Variants in KIZ observed in about 807,000 individuals in gnomAD.
KIZ encodes kizuna centrosomal protein.
A neutral mutation model predicts 79.6 loss-of-function variants in KIZ; 68 were observed. The ratio of observed to expected loss-of-function variants is 0.85; its 90% CI spans 0.70 to 1.05. KIZ has a LOEUF of 1.05. Among genes scored for constraint, KIZ ranks in the 50% least tolerant of loss-of-function variants. The probability of loss-of-function intolerance (pLI) is 0.00; values close to 1 mark genes in which losing one functional copy is unlikely to be tolerated. For missense variants in KIZ, 797 were observed against 800.4 expected (o/e 1.00, Z 0.05); for synonymous variants, 280 against 281.8 (o/e 0.99, Z 0.06).
chr20:21,176,787 A>T (rs2034455595), intron 6 of KIZ, among the ~76,000 whole-genome samples: 1 of 152,238 alleles, frequency 6.6e-6, no homozygotes, highest in South Asian at 2.1e-4. Context: ...AGAATAAAAA[A>T]GTAATGCTAG....
intron 6 of KIZ, among the ~76,000 whole-genome samples, chr20:21,170,890 C>T (rs2034176307): frequency 6.6e-6 from 1 of 152,154 alleles, no homozygotes; most frequent in South Asian, 2.1e-4. Context: ...CTTTCTGTGC[C>T]TGGCTTAAAT....
intron 9 of KIZ, among the ~76,000 whole-genome samples, chr20:21,228,373 G>A (rs1205003481): frequency 6.6e-6 from 1 of 152,148 alleles, no homozygotes; most frequent in Admixed American, 6.5e-5. Context: ...ACTTATAGCA[G>A]ATGCCATTAG....
At chr20:21,175,972 T>A (rs1001956920) in intron 6 of KIZ, among the ~76,000 whole-genome samples, 3 of 151,978 alleles carry the variant, frequency 2.0e-5, no homozygotes, top group African/African-American at 7.3e-5. Context: ...GCTGAGATGG[T>A]GCCACTGCAC....
intron 3 of KIZ, among the ~76,000 whole-genome samples, chr20:21,137,536 A>C (rs1173108575): frequency 2.7e-5 from 4 of 150,010 alleles, no homozygotes; most frequent in African/African-American, 9.9e-5. Context: ...TTTCAAATAC[A>C]CAGAAGAGTT....
At chr20:21,195,898 C>T (rs993780859) in intron 6 of KIZ, 4 of 152,738 alleles carry the variant, frequency 2.6e-5, no homozygotes, top group Non-Finnish European at 5.9e-5. Flanking sequence ...CCGTTACCTT[C>T]CCTGTAGTCA....
chr20:21,215,625 T>C lies in KIZ; in HGVS notation c.1655T>C (p.Val552Ala). The C allele has an allele frequency of 6.2e-7, 1 of 1,606,374 alleles. No homozygotes were observed. The highest frequency in any genetic ancestry group is 1.1e-5 in the South Asian group (1 of 90,034). The change falls in exon 9 of 13, where the codon GTG (valine) becomes GCG (alanine). Residue 552 changes from valine (V) to alanine (A), a missense_variant. By Grantham distance (64) the Val-to-Ala change is moderately conservative. Coordinates refer to ENST00000619189, the MANE Select transcript of KIZ (RefSeq NM_018474.6). ...GCGDKSKKEN[V>A]AADIPITETE... The stretch of plus-strand genomic sequence containing the variant: ...GGAGACAAGAGCAAGAAAGAAAATG[T>C]GGCTGCAGATATCCCAATCACAGGT...
chr20:21,155,129 A>G (rs2033313038), intron 4 of KIZ, among the ~76,000 whole-genome samples: 1 of 152,222 alleles, frequency 6.6e-6, no homozygotes, highest in Non-Finnish European at 1.5e-5. Flanking sequence ...TTAAACATAT[A>G]GTTACCGTAC....
intron 11 of KIZ, among the ~76,000 whole-genome samples, chr20:21,244,010 C>A (rs1049750234): frequency 2.0e-5 from 3 of 152,178 alleles, no homozygotes; most frequent in African/African-American, 7.2e-5. Flanking sequence ...GTGGGCCATG[C>A]AGACCTGCCG....
chr20:21,131,563 C>T (rs1443894459), intron 1 of KIZ, among the ~76,000 whole-genome samples: 1 of 152,120 alleles, frequency 6.6e-6, no homozygotes, highest in Non-Finnish European at 1.5e-5. Flanking sequence ...CTGATGGGAC[C>T]CCATCACCGA....
chr20:21,227,574 C>T (rs1222137824), intron 9 of KIZ, among the ~76,000 whole-genome samples: 2 of 152,206 alleles, frequency 1.3e-5, no homozygotes, highest in Middle Eastern at 3.4e-3. Context: ...ACACTGACTC[C>T]TTACCTTTAG....
chr20:21,224,317 C>T (rs899076632), intron 9 of KIZ, among the ~76,000 whole-genome samples: 1 of 152,212 alleles, frequency 6.6e-6, no homozygotes, highest in Admixed American at 6.5e-5. Context: ...CAAATGATTT[C>T]TGGATTCTCA....
intron 6 of KIZ, among the ~76,000 whole-genome samples, chr20:21,178,521 C>T (rs1373437319): frequency 1.3e-5 from 2 of 151,322 alleles, no homozygotes; most frequent in Non-Finnish European, 1.5e-5. Flanking sequence ...ATCATGTCAT[C>T]TGCAACAGGG....
In KIZ at chr20:21,162,481, A is replaced by G. The variant is rs1302494099; in HGVS notation, c.1016A>G (p.Lys339Arg). Residue 339 changes from lysine (K) to arginine (R), a missense_variant, in exon 5 of 13, where the codon AAG becomes AGG. Transcript: ENST00000619189. ...TCTGAAAATAAGTGGTCTCAAGAGA[A>G]GCATTCTCCTTGGGAAGGTGTTTCA... is the stretch of plus-strand genomic sequence containing the variant. ...CESENKWSQE[K>R]HSPWEGVSDH... The G allele has an allele frequency of 1.2e-6, 2 of 1,612,932 alleles. No individual in the cohort carries two copies. Among genetic ancestry groups the G allele is most frequent in the Non-Finnish European group, 1.7e-6 (2 of 1,179,324 alleles).
At chr20:21,154,349 G>C (rs756936613) in intron 4 of KIZ, among the ~76,000 whole-genome samples, 80 of 152,100 alleles carry the variant, frequency 5.3e-4, no homozygotes, top group Non-Finnish European at 8.8e-4. Context: ...TTCTAAACTT[G>C]TTGATCTCTT....
chr20:21,144,308 A>G (rs1434874252), intron 3 of KIZ: 6 of 152,200 alleles, frequency 3.9e-5, no homozygotes, highest in African/African-American at 1.4e-4. Context: ...TTAACCTGTA[A>G]TTATATGTTT....
chr20:21,229,853 G>A (rs992153475), intron 10 of KIZ, among the ~76,000 whole-genome samples: 2 of 152,182 alleles, frequency 1.3e-5, no homozygotes, highest in Admixed American at 6.5e-5. Context: ...TGGGATTACA[G>A]GTGTGAGCCA....
chr20:21,217,500 G>T lies in KIZ; in HGVS notation c.1678+1852G>T, dbSNP rs376474653. ...GTGTGGGTGCATGCTGGTTGTGTTT[G>T]TGTGGGCTGCATTCCTTCTAGAATA... On this transcript the variant is annotated intron_variant, in intron 9 of 12. Coordinates refer to ENST00000619189, the MANE Select transcript of KIZ (RefSeq NM_018474.6). 5.2e-4 allele frequency among the ~76,000 whole-genome samples: 79 copies of T among 152,310 alleles called. 1 individual carries two copies. In the South Asian group the frequency reaches 0.016, roughly 30 times the overall value.
chr20:21,236,171 T>C (rs2036999903), intron 11 of KIZ, among the ~76,000 whole-genome samples: 2 of 152,204 alleles, frequency 1.3e-5, no homozygotes, highest in Admixed American at 6.5e-5. Flanking sequence ...AAAAGTTAAG[T>C]TGACCTCAGG....
intron 3 of KIZ, among the ~76,000 whole-genome samples, 182 bp downstream of exon 3, chr20:21,136,734 A>G (rs1003041480): frequency 1.3e-5 from 2 of 151,540 alleles, no homozygotes; most frequent in South Asian, 2.1e-4. Flanking sequence ...GTAGCTGTGT[A>G]CCTCCCGAGT....
Sources: gnomAD v4.1 joint callset for allele counts (sites outside exome capture counted in the v4.1 genomes callset) on GRCh38, gnomAD v4.1.1 for gene constraint, MANE v1.5 for transcripts, NCBI Gene and HGNC (gene_info 2026-07-23, HGNC 2026-07-21) for gene names.